Variants in SLC4A10 observed in about 807,000 individuals in gnomAD.
The protein encoded by SLC4A10 is sodium-driven chloride bicarbonate exchanger.
Under a neutral mutation model 137.7 loss-of-function variants are expected in SLC4A10, and 42 were observed. The ratio of observed to expected loss-of-function variants is 0.30; its 90% CI spans 0.24 to 0.39. The LOEUF (loss-of-function observed/expected upper bound fraction) is 0.39. Among genes scored for constraint, SLC4A10 ranks in the 10% least tolerant of loss-of-function variants. The pLI is 1.00. For synonymous variants in SLC4A10, 474 were observed against 464.1 expected (o/e 1.02, Z -0.27); for missense variants, 925 against 1,355.0 (o/e 0.68, Z 4.98).
At chr2:161,970,010 A>T (rs573901105) in intron 23 of SLC4A10, among the ~76,000 whole-genome samples, 9 of 152,306 alleles carry the variant, frequency 5.9e-5, no homozygotes, top group African/African-American at 1.2e-4. Context: ...CCTAGAATGC[A>T]AATTCTTGGG....
At chr2:161,959,472 CTG>C (rs1349077806) in intron 21 of SLC4A10, among the ~76,000 whole-genome samples, 3 of 152,190 alleles carry the variant, frequency 2.0e-5, no homozygotes, top group Non-Finnish European at 4.4e-5. Context: ...TATTCCACAA[CTG>C]TGGGCATGAG....
chr2:161,934,136 G>A (rs1329485515), intron 15 of SLC4A10, among the ~76,000 whole-genome samples: 1 of 152,096 alleles, frequency 6.6e-6, no homozygotes, highest in African/African-American at 2.4e-5. Context: ...ATTACCTCAA[G>A]CGTTTGTTCT....
At chr2:161,934,475 C>T (rs912068191) in intron 15 of SLC4A10, among the ~76,000 whole-genome samples, 1 of 152,172 alleles carries the variant, frequency 6.6e-6, no homozygotes, top group African/African-American at 2.4e-5. Context: ...CACTTCTATT[C>T]ATGTTGACAC....
At chr2:161,763,347 T>A (rs1486994733) in intron 1 of SLC4A10, among the ~76,000 whole-genome samples, 2 of 152,026 alleles carry the variant, frequency 1.3e-5, no homozygotes, top group Non-Finnish European at 2.9e-5. Flanking sequence ...TGTGTATAGG[T>A]CAGAGTCACA....
At chr2:161,704,101 T>C (rs773084295) in intron 1 of SLC4A10, among the ~76,000 whole-genome samples, 1 of 151,732 alleles carries the variant, frequency 6.6e-6, no homozygotes, top group Non-Finnish European at 1.5e-5. Context: ...CAGTGCTTTC[T>C]ATTGTCCTGC....
intron 1 of SLC4A10, among the ~76,000 whole-genome samples, chr2:161,685,967 A>G (rs1337528648): frequency 6.6e-6 from 1 of 152,172 alleles, no homozygotes; most frequent in Non-Finnish European, 1.5e-5. Context: ...ATGAAAATGG[A>G]CCAGCAAGTA....
chr2:161,649,799 A>AT (rs5835875), intron 1 of SLC4A10, among the ~76,000 whole-genome samples: 101 of 150,584 alleles, frequency 6.7e-4, no homozygotes, highest in South Asian at 2.5e-3. Context: ...CTAAATAGAC[A>AT]TTTTTTTTTT....
chr2:161,887,836 T>C (rs2062474247), intron 10 of SLC4A10, among the ~76,000 whole-genome samples: 1 of 152,210 alleles, frequency 6.6e-6, no homozygotes, highest in Admixed American at 6.5e-5. Context: ...GTTTTGGCTT[T>C]TGTTGCCATT....
intron 1 of SLC4A10, among the ~76,000 whole-genome samples, chr2:161,728,349 C>A (rs1210633500): frequency 6.6e-6 from 1 of 152,064 alleles, no homozygotes. Context: ...TCAAGGTGGG[C>A]AAATTATCTG....
Position 161,904,802 on chromosome 2 carries a change from A to C in SLC4A10, c.1644A>C (p.Ala548=), listed in dbSNP as rs1348637136. 1.2e-6 allele frequency: 2 copies of C among 1,613,994 alleles called. No homozygotes were observed. Among genetic ancestry groups the C allele is most frequent in the Non-Finnish European group, 1.7e-6 (2 of 1,179,880 alleles). Residue 548 remains alanine (A), a synonymous_variant, in exon 14 of 27, where the codon GCA becomes GCC. Coordinates refer to ENST00000446997, the MANE Select transcript of SLC4A10 (RefSeq NM_001178015.2). ...RISAIESLFG[A]SMTGIAYSLF... ...GTGCAATTGAATCTCTCTTTGGAGCATCCATGACCGGGATAGCCTATTCTC... is the reference window on the plus strand; with the variant it reads ...GTGCAATTGAATCTCTCTTTGGAGCCTCCATGACCGGGATAGCCTATTCTC...
intron 21 of SLC4A10, among the ~76,000 whole-genome samples, chr2:161,963,348 CATTG>C (rs1425408103): frequency 2.0e-5 from 3 of 151,910 alleles, no homozygotes; most frequent in African/African-American, 7.3e-5. Flanking sequence ...AAACAAATAA[CATTG>C]ATTGAGATGA....
intron 1 of SLC4A10, among the ~76,000 whole-genome samples, chr2:161,732,760 A>G (rs1371565706): frequency 1.3e-5 from 2 of 152,168 alleles, no homozygotes; most frequent in Non-Finnish European, 2.9e-5. Flanking sequence ...AGACTTGTTG[A>G]ATGGTTTTGC....
chr2:161,834,700 C>CAA (rs1553574208), intron 3 of SLC4A10, among the ~76,000 whole-genome samples: 9 of 149,322 alleles, frequency 6.0e-5, no homozygotes, highest in African/African-American at 9.8e-5. Context: ...CACACACACA[C>CAA]AAAACCTATT....
rs140174166 is a variant in SLC4A10 at position 161,855,780 on chromosome 2, A to G, written c.577+650A>G. On this transcript the variant is annotated intron_variant, in intron 5 of 26. Coordinates refer to ENST00000446997, the MANE Select transcript of SLC4A10 (RefSeq NM_001178015.2). ...CATATTTTAGTAAAAACAAAATAAT[A>G]CAAAAAGACAGAAATGAATTTTGAA... is the stretch of plus-strand genomic sequence containing the variant. 3.1e-3 allele frequency among the ~76,000 whole-genome samples: 477 copies of G among 152,264 alleles called. 20 individuals carry two copies. The East Asian group carries it at 0.087, about 28-fold the overall frequency.
intron 3 of SLC4A10, among the ~76,000 whole-genome samples, chr2:161,829,434 T>C (rs1202729895): frequency 1.3e-5 from 2 of 152,152 alleles, no homozygotes; most frequent in African/African-American, 4.8e-5. Context: ...GAAATCAGCC[T>C]CACATTTTTT....
At chr2:161,963,037 C>T (rs1030052562) in intron 21 of SLC4A10, among the ~76,000 whole-genome samples, 4 of 152,022 alleles carry the variant, frequency 2.6e-5, no homozygotes, top group Non-Finnish European at 5.9e-5. Flanking sequence ...GTGATTGAAA[C>T]CATTATTTTC....
chr2:161,674,098 A>G (rs1038173476), intron 1 of SLC4A10, among the ~76,000 whole-genome samples: 1 of 152,328 alleles, frequency 6.6e-6, no homozygotes, highest in Non-Finnish European at 1.5e-5. Context: ...AAAATGATTA[A>G]AAACATGCTT....
intron 10 of SLC4A10, among the ~76,000 whole-genome samples, chr2:161,891,154 A>G (rs780002497): frequency 6.6e-6 from 1 of 152,162 alleles, no homozygotes; most frequent in Non-Finnish European, 1.5e-5. Context: ...GGGTTTCTGC[A>G]GAGAGATCCA....
At position 161,942,915 on chromosome 2, in the gene SLC4A10, A is replaced by C. The variant is rs746349159; in HGVS notation, c.2103+18A>C. 1 of 1,553,722 alleles carries C rather than the reference A, an allele frequency of 6.4e-7. No individual in the cohort carries two copies. Among genetic ancestry groups the C allele is most frequent in the South Asian group, 1.2e-5 (1 of 84,872 alleles). On this transcript the variant is annotated intron_variant, in intron 16 of 26. Coordinates refer to ENST00000446997, the MANE Select transcript of SLC4A10 (RefSeq NM_001178015.2). ...CTGTGTCAGTAAGTAAAACACTGAA[A>C]AATAAGTCATACCTAAGAGCTTTTG...
Sources: gnomAD v4.1 joint callset for allele counts (sites outside exome capture counted in the v4.1 genomes callset) on GRCh38, gnomAD v4.1.1 for gene constraint, MANE v1.5 for transcripts, NCBI Gene and HGNC (gene_info 2026-07-23, HGNC 2026-07-21) for gene names.